The following ZNF469 variants were observed in gnomAD, a reference collection of about 807,000 sequenced individuals.
The protein encoded by ZNF469 is zinc finger protein 469.
Under a neutral mutation model 1.0 loss-of-function variants are expected in ZNF469, and 1 was observed. That is an observed-to-expected ratio of 1.00 (90% CI 0.35 to 4.73). The LOEUF (loss-of-function observed/expected upper bound fraction) is 4.73, where lower values mean the gene tolerates loss of function less well. Among genes scored for constraint, ZNF469 ranks in the 30% most tolerant of loss-of-function variants. The pLI is 0.16. For missense variants in ZNF469, 6,100 were observed against 5,356.3 expected, an observed-to-expected ratio of 1.14 and a Z score of -4.33; for synonymous variants, 2,703 against 2,363.4, an observed-to-expected ratio of 1.14 and a Z score of -4.17.
At chr16:88,291,484 G>A in the ZNF469 span, among the ~76,000 whole-genome samples, 3,034 of 152,258 alleles carry the variant, frequency 0.02, 96 homozygotes, top group African/African-American at 0.069. Context: ...GCAGAACCTC[G>A]TCTCTTCGCA....
chr16:88,240,636 C>T, the ZNF469 span, among the ~76,000 whole-genome samples: 1 of 152,088 alleles, frequency 6.6e-6, no homozygotes, highest in East Asian at 1.9e-4. Flanking sequence ...AGATGCAAGG[C>T]TGGAGAGTGG....
chr16:88,107,094 G>T, the ZNF469 span, among the ~76,000 whole-genome samples: 1 of 152,270 alleles, frequency 6.6e-6, no homozygotes, highest in South Asian at 2.1e-4. Flanking sequence ...TCTCAGGCCC[G>T]CACGGGAGGT....
chr16:88,110,558 G>C, the ZNF469 span, among the ~76,000 whole-genome samples: 2 of 152,238 alleles, frequency 1.3e-5, no homozygotes, highest in African/African-American at 4.8e-5. Context: ...CCCAGCCCTG[G>C]TGCAGCCTCC....
the ZNF469 span, among the ~76,000 whole-genome samples, chr16:88,120,369 C>T: frequency 2.6e-5 from 4 of 152,256 alleles, no homozygotes; most frequent in East Asian, 1.9e-4. Context: ...ATTCCTCCAT[C>T]GGAGCTTGGT....
At chr16:88,160,432 G>C in the ZNF469 span, among the ~76,000 whole-genome samples, 1 of 152,144 alleles carries the variant, frequency 6.6e-6, no homozygotes, top group Non-Finnish European at 1.5e-5. Context: ...CACTGCACTG[G>C]AATGTGCTTG....
At chr16:88,308,067 C>A in the ZNF469 span, among the ~76,000 whole-genome samples, 2 of 152,194 alleles carry the variant, frequency 1.3e-5, no homozygotes, top group Non-Finnish European at 2.9e-5. Context: ...ATCCACTAGG[C>A]CCAATACCAT....
chr16:88,193,102 ATGGTGGTGGTGGTGATGG>A, the ZNF469 span, among the ~76,000 whole-genome samples: 4 of 30,522 alleles, frequency 1.3e-4, no homozygotes, highest in African/African-American at 2.9e-4. Context: ...GATGGTGTTG[ATGGTGGTGGTGGTGATGG>A]TGGTGGTGGT....
the ZNF469 span, among the ~76,000 whole-genome samples, chr16:88,226,578 C>A: frequency 3.1e-4 from 47 of 152,256 alleles, no homozygotes; most frequent in African/African-American, 1.1e-3. Context: ...GTCTGTGGCC[C>A]TTTCTTACGG....
In ZNF469 at chr16:88,426,531, T is replaced by C. The variant is rs553904472; in HGVS notation, c.-126-814T>C. Among the ~76,000 whole-genome samples, 158 of 152,370 alleles carry C rather than the reference T, an allele frequency of 1.0e-3. 1 individual carries two copies. The highest frequency in any genetic ancestry group is 3.7e-3 in the African/African-American group (153 of 41,594). ...CTGGGTGAGCAAGGGGCCAGGCTCC[T>C]CTGGGCAAGCGGCTCCTGCTACATC... is the stretch of plus-strand genomic sequence containing the variant. On this transcript the variant is annotated intron_variant, in intron 2 of 2. Coordinates refer to ENST00000565624, the MANE Select transcript of ZNF469 (RefSeq NM_001367624.2).
At chr16:88,357,340 G>A in the ZNF469 span, among the ~76,000 whole-genome samples, 4 of 152,228 alleles carry the variant, frequency 2.6e-5, no homozygotes, top group Non-Finnish European at 5.9e-5. Context: ...ACCTCTCCAC[G>A]GGTCTAGACA....
At chr16:88,298,931 G>A in the ZNF469 span, among the ~76,000 whole-genome samples, 1 of 152,206 alleles carries the variant, frequency 6.6e-6, no homozygotes, top group Non-Finnish European at 1.5e-5. Flanking sequence ...GTTTGGTGGT[G>A]AGCTCTCTGA....
the ZNF469 span, among the ~76,000 whole-genome samples, chr16:88,353,186 A>C: frequency 6.6e-6 from 1 of 152,064 alleles, no homozygotes; most frequent in Non-Finnish European, 1.5e-5. Flanking sequence ...CGAGGCCGTA[A>C]GTCTCACTGC....
At chr16:88,368,127 C>T in the ZNF469 span, among the ~76,000 whole-genome samples, 2 of 152,378 alleles carry the variant, frequency 1.3e-5, no homozygotes, top group African/African-American at 2.4e-5. Flanking sequence ...ATAAACAAGC[C>T]TGCTCCCTCA....
chr16:88,353,429 C>A, the ZNF469 span, among the ~76,000 whole-genome samples: 1 of 152,174 alleles, frequency 6.6e-6, no homozygotes, highest in African/African-American at 2.4e-5. Context: ...GGGCTCAGTC[C>A]CACCCAGCTT....
At chr16:88,128,371 C>T in the ZNF469 span, among the ~76,000 whole-genome samples, 2 of 152,140 alleles carry the variant, frequency 1.3e-5, no homozygotes, top group East Asian at 3.9e-4. Flanking sequence ...CATGATATAG[C>T]ATATTTTTTA....
the ZNF469 span, among the ~76,000 whole-genome samples, chr16:88,216,791 C>T: frequency 3.0e-4 from 46 of 152,150 alleles, no homozygotes; most frequent in Non-Finnish European, 5.1e-4. Context: ...TAACTATGTC[C>T]CATTTGTCTC....
chr16:88,340,967 CGG>C, the ZNF469 span, among the ~76,000 whole-genome samples: 3 of 152,078 alleles, frequency 2.0e-5, no homozygotes, highest in Non-Finnish European at 4.4e-5. Context: ...AGAGAGAGCC[CGG>C]GGCCCGGGCA....
At chr16:88,127,687 C>T in the ZNF469 span, among the ~76,000 whole-genome samples, 542 of 152,286 alleles carry the variant, frequency 3.6e-3, 2 homozygotes, top group African/African-American at 0.011. Flanking sequence ...ACCTTGGGAG[C>T]CGCTGTGTGA....
chr16:88,380,144 C>G (rs1003775900), upstream of ZNF469, among the ~76,000 whole-genome samples: 5 of 54,186 alleles, frequency 9.2e-5, no homozygotes, highest in Admixed American at 9.9e-4. Flanking sequence ...GACACACACT[C>G]ACACACAAAT....
Sources: gnomAD v4.1 joint callset for allele counts (sites outside exome capture counted in the v4.1 genomes callset) on GRCh38, gnomAD v4.1.1 for gene constraint, MANE v1.5 for transcripts, NCBI Gene and HGNC (gene_info 2026-07-23, HGNC 2026-07-21) for gene names.